Variants in PTPRG observed in about 807,000 individuals in gnomAD.
PTPRG encodes receptor-type tyrosine-protein phosphatase gamma.
A neutral mutation model predicts 165.3 loss-of-function variants in PTPRG; 102 were observed. The observed-to-expected ratio is 0.62, with a 90% CI of 0.53 to 0.73. The LOEUF (loss-of-function observed/expected upper bound fraction) is 0.73. Ranked by LOEUF, PTPRG falls within the 30% of genes least tolerant of loss-of-function variation. The pLI is 0.00. For missense variants in PTPRG, 1,866 were observed against 1,861.4 expected (o/e 1.00, Z -0.05); for synonymous variants, 675 against 669.5 (o/e 1.01, Z -0.13).
At chr3:61,878,813 A>C (rs1327498413) in intron 2 of PTPRG, among the ~76,000 whole-genome samples, 1 of 152,156 alleles carries the variant, frequency 6.6e-6, no homozygotes, top group Non-Finnish European at 1.5e-5. Context: ...CCCCAGGTGT[A>C]TAAAACACAA....
chr3:62,059,779 T>C (rs1243113356), intron 4 of PTPRG, among the ~76,000 whole-genome samples: 1 of 152,186 alleles, frequency 6.6e-6, no homozygotes, highest in Non-Finnish European at 1.5e-5. Context: ...TGGGGGCCGT[T>C]ACTCCCATGC....
intron 4 of PTPRG, among the ~76,000 whole-genome samples, chr3:62,004,030 T>C (rs1424412098): frequency 6.6e-6 from 1 of 152,134 alleles, no homozygotes; most frequent in Admixed American, 6.5e-5. Context: ...GTCTTCTCAG[T>C]GATCCATCCT....
At chr3:61,981,814 A>G (rs1447402328) in intron 2 of PTPRG, among the ~76,000 whole-genome samples, 3 of 152,228 alleles carry the variant, frequency 2.0e-5, no homozygotes, top group Non-Finnish European at 4.4e-5. Flanking sequence ...CTTATAAAAC[A>G]TCACCACTGC....
chr3:61,721,140 C>T (rs1290876858), intron 1 of PTPRG, among the ~76,000 whole-genome samples: 6 of 152,188 alleles, frequency 3.9e-5, no homozygotes, highest in Admixed American at 3.9e-4. Context: ...TCTTCCCTAG[C>T]TGGAATTACT....
intron 1 of PTPRG, among the ~76,000 whole-genome samples, chr3:61,699,117 A>G (rs557994516): frequency 6.0e-4 from 92 of 152,286 alleles, no homozygotes; most frequent in South Asian, 1.9e-3. Flanking sequence ...ACATGTATAC[A>G]TATGTAACAA....
At chr3:61,767,392 T>A (rs1369740127) in intron 2 of PTPRG, among the ~76,000 whole-genome samples, 2 of 152,218 alleles carry the variant, frequency 1.3e-5, no homozygotes, top group Non-Finnish European at 2.9e-5. Context: ...TAGTTTTTTC[T>A]AATTTTCCCC....
chr3:61,747,056 A>G lies in PTPRG; in HGVS notation c.86-1822A>G, dbSNP rs189394802. Among the ~76,000 whole-genome samples, 419 of 152,252 alleles carry G rather than the reference A, an allele frequency of 2.8e-3. 4 individuals are homozygous for G. Among genetic ancestry groups the G allele is most frequent in the African/African-American group, 8.9e-3 (369 of 41,556 alleles). ...GGAGGACTGCTTGAACCCAGGGGTT[A>G]AGGTTGCAGTGAACCATGATCTTGC... is the stretch of plus-strand genomic sequence containing the variant. On this transcript the variant is annotated intron_variant, in intron 1 of 29. Transcript: ENST00000474889.
intron 5 of PTPRG, among the ~76,000 whole-genome samples, chr3:62,128,328 G>C (rs1189894342): frequency 6.6e-6 from 1 of 152,104 alleles, no homozygotes; most frequent in Non-Finnish European, 1.5e-5. Flanking sequence ...GTGGAAGGAA[G>C]CAAATTTCAA....
intron 4 of PTPRG, among the ~76,000 whole-genome samples, chr3:62,061,759 G>T (rs2106692048): frequency 6.7e-6 from 1 of 148,884 alleles, no homozygotes; most frequent in East Asian, 2.0e-4. Context: ...CTCCTGGGTA[G>T]CTGGGATTAT....
chr3:62,124,329 C>T (rs558475167), intron 5 of PTPRG: 28 of 1,611,064 alleles, frequency 1.7e-5, no homozygotes, highest in Admixed American at 8.3e-5. Flanking sequence ...TGGTTCTGCC[C>T]GGGTCTCTGG....
In PTPRG at chr3:62,267,472, A is replaced by C. The variant is rs1443077220; in HGVS notation, c.2719A>C (p.Ile907Leu). The change falls in exon 18 of 30, where the codon ATT becomes CTT. Residue 907 changes from isoleucine (I) to leucine (L), a missense_variant. Around this residue, in one of 3 missense-constraint regions of PTPRG, gnomAD observed 1,452 missense variants for 1,463.0 expected, o/e 0.99. Coordinates refer to ENST00000474889, the MANE Select transcript of PTPRG (RefSeq NM_002841.4). Reference protein sequence around the residue: ...PGKDSKHSDYINANYVDGYNK... With the variant: ...PGKDSKHSDYLNANYVDGYNK... Reference sequence around the variant, plus strand: ...AAAAGACTCTAAGCACAGCGACTACATTAATGCAAACTATGTTGATGTAAG... The same window carrying C: ...AAAAGACTCTAAGCACAGCGACTACCTTAATGCAAACTATGTTGATGTAAG... 1 of 1,611,468 alleles carries C rather than the reference A, an allele frequency of 6.2e-7. No homozygotes were observed. The highest frequency in any genetic ancestry group is 8.5e-7 in the Non-Finnish European group (1 of 1,177,906).
chr3:62,039,674 G>A (rs1388153893), intron 4 of PTPRG, among the ~76,000 whole-genome samples: 1 of 152,128 alleles, frequency 6.6e-6, no homozygotes, highest in African/African-American at 2.4e-5. Flanking sequence ...AAATATGACC[G>A]TGTTTTAAAT....
intron 2 of PTPRG, among the ~76,000 whole-genome samples, chr3:61,841,860 T>C (rs1034521444): frequency 3.9e-5 from 6 of 152,084 alleles, no homozygotes; most frequent in African/African-American, 1.2e-4. Context: ...AGACTTTTTG[T>C]ACCAGAGCTC....
chr3:62,039,258 G>T (rs1316646849), intron 4 of PTPRG, among the ~76,000 whole-genome samples: 66 of 135,454 alleles, frequency 4.9e-4, no homozygotes, highest in South Asian at 2.0e-3. Context: ...TTTTTTTTTG[G>T]TTTTGTTTTT....
intron 2 of PTPRG, among the ~76,000 whole-genome samples, chr3:61,772,193 G>T (rs965578461): frequency 6.6e-6 from 1 of 151,906 alleles, no homozygotes; most frequent in Admixed American, 6.6e-5. Flanking sequence ...AAATTATACA[G>T]TTGAGGGAGG....
At chr3:62,183,687 T>A (rs1017572432) in intron 8 of PTPRG, among the ~76,000 whole-genome samples, 1 of 152,004 alleles carries the variant, frequency 6.6e-6, no homozygotes, top group Admixed American at 6.6e-5. Flanking sequence ...TCCCTATGCG[T>A]TTCTGATGGG....
At chr3:61,664,704 G>A (rs1019364304) in intron 1 of PTPRG, among the ~76,000 whole-genome samples, 3 of 152,102 alleles carry the variant, frequency 2.0e-5, no homozygotes, top group South Asian at 4.1e-4. Flanking sequence ...GGTTGTACAC[G>A]CCTGTAATCC....
intron 1 of PTPRG, among the ~76,000 whole-genome samples, chr3:61,685,781 T>C (rs928764313): frequency 7.2e-5 from 11 of 152,204 alleles, no homozygotes; most frequent in Admixed American, 5.9e-4. Context: ...CATTTTATCA[T>C]CAACTATAAT....
At chr3:62,008,005 C>T (rs1201232469) in intron 4 of PTPRG, among the ~76,000 whole-genome samples, 2 of 152,182 alleles carry the variant, frequency 1.3e-5, no homozygotes, top group African/African-American at 2.4e-5. Context: ...ATATTCCAGT[C>T]ATTAAAACAG....
Sources: allele counts gnomAD v4.1 joint callset (sites outside exome capture counted in the v4.1 genomes callset), GRCh38; gene constraint gnomAD v4.1.1; regional missense constraint gnomAD v4.1.1; transcripts MANE v1.5; gene names NCBI Gene and HGNC (gene_info 2026-07-23, HGNC 2026-07-21).